Variants in PARD3B observed in about 807,000 individuals in gnomAD.
PARD3B encodes the protein par-3 family cell polarity regulator beta.
In PARD3B, 103 loss-of-function variants were observed where a neutral mutation model predicts 130.2. That is an observed-to-expected ratio of 0.79 (90% confidence interval 0.67 to 0.93). The LOEUF is 0.93. PARD3B is among the 40% of genes least tolerant of loss of function. PARD3B has a pLI of 0.00. For missense variants in PARD3B, 1,609 were observed against 1,499.2 expected (o/e 1.07, Z -1.21); for synonymous variants, 583 against 553.2 (o/e 1.05, Z -0.76).
At chr2:204,789,262 T>A (rs1360952005) in intron 2 of PARD3B, among the ~76,000 whole-genome samples, 1 of 152,102 alleles carries the variant, frequency 6.6e-6, no homozygotes, top group Admixed American at 6.5e-5. Context: ...TGGGGTCTCA[T>A]TTGGTCTCGA....
Position 205,563,160 on chromosome 2 carries a change from A to G in PARD3B, c.3260+9757A>G, listed in dbSNP as rs778784379. On this transcript the variant is annotated intron_variant, in intron 22 of 22. Transcript: ENST00000406610. The surrounding 1 kb of genome is among the most constrained non-coding windows in gnomAD (Gnocchi z 4.2). Reference sequence around the variant, plus strand: ...CACTAGTCTTATTTTCCATTTTTATATACCAAGATCTGCATGCAAATTGTT... The same window carrying G: ...CACTAGTCTTATTTTCCATTTTTATGTACCAAGATCTGCATGCAAATTGTT... Among the ~76,000 whole-genome samples, 1 of 152,214 alleles carries G rather than the reference A, an allele frequency of 6.6e-6. No homozygotes were observed. The highest frequency in any genetic ancestry group is 6.5e-5 in the Admixed American group (1 of 15,282).
At chr2:205,056,464 C>T (rs1699640031) in intron 4 of PARD3B, among the ~76,000 whole-genome samples, 1 of 151,874 alleles carries the variant, frequency 6.6e-6, no homozygotes, top group Non-Finnish European at 1.5e-5. Flanking sequence ...AGCATGAGAG[C>T]CTGTCACCAT....
At position 204,664,645 on chromosome 2, in the gene PARD3B, T is replaced by A. The variant is rs932647313; in HGVS notation, c.121-21536T>A. ...TAAGCACATTTTGGCTCTGGTAAAA[T>A]CTATTCTGAAGAACTTATAGGCAAA... is the stretch of plus-strand genomic sequence containing the variant. On this transcript the variant is annotated intron_variant, in intron 1 of 22. Coordinates refer to ENST00000406610, the MANE Select transcript of PARD3B (RefSeq NM_001302769.2). This position sits in a 1 kb window ranked among gnomAD's most constrained non-coding sequence, Gnocchi z 5.2. 6.6e-6 allele frequency among the ~76,000 whole-genome samples: 1 copy of A among 152,220 alleles called. No homozygotes were observed. Among genetic ancestry groups the A allele is most frequent in the African/African-American group, 2.4e-5 (1 of 41,452 alleles).
At chr2:204,719,530 A>G (rs2038898249) in intron 2 of PARD3B, among the ~76,000 whole-genome samples, 1 of 152,154 alleles carries the variant, frequency 6.6e-6, no homozygotes, top group African/African-American at 2.4e-5. Context: ...AAAAACTTGT[A>G]ATTTTGCTGA....
intron 3 of PARD3B, among the ~76,000 whole-genome samples, chr2:205,022,316 A>G (rs1324421101): frequency 1.3e-5 from 2 of 152,210 alleles, no homozygotes; most frequent in African/African-American, 4.8e-5. Flanking sequence ...TTTGCCGGCC[A>G]ACACTGAATT....
At chr2:205,275,541 A>G (rs970294418) in intron 16 of PARD3B, among the ~76,000 whole-genome samples, 1 of 152,076 alleles carries the variant, frequency 6.6e-6, no homozygotes, top group African/African-American at 2.4e-5. Context: ...AGAGCTGTGG[A>G]TAAAAAGTTC....
chr2:204,717,864 A>T (rs950116424), intron 2 of PARD3B, among the ~76,000 whole-genome samples: 3 of 152,192 alleles, frequency 2.0e-5, no homozygotes, highest in Non-Finnish European at 4.4e-5. Flanking sequence ...GGGAAGGGAT[A>T]GCTTCAGCTC....
At chr2:205,511,805 A>G (rs187605781) in intron 21 of PARD3B, among the ~76,000 whole-genome samples, 2 of 152,322 alleles carry the variant, frequency 1.3e-5, no homozygotes, top group Admixed American at 6.5e-5. Flanking sequence ...AAAACTCCAC[A>G]TAAGCCATGT....
At chr2:204,702,873 G>A (rs1170174553) in intron 2 of PARD3B, among the ~76,000 whole-genome samples, 1 of 152,192 alleles carries the variant, frequency 6.6e-6, no homozygotes, top group Non-Finnish European at 1.5e-5. Flanking sequence ...ACCATGCCTG[G>A]CCAATAGAGT....
intron 15 of PARD3B, among the ~76,000 whole-genome samples, chr2:205,215,003 A>G (rs941475812): frequency 2.0e-5 from 3 of 152,110 alleles, no homozygotes; most frequent in Non-Finnish European, 2.9e-5. Context: ...AAAACTGATG[A>G]TATGCTTCGT....
chr2:205,277,573 T>C (rs372931481), intron 16 of PARD3B, among the ~76,000 whole-genome samples: 12 of 152,096 alleles, frequency 7.9e-5, no homozygotes, highest in African/African-American at 2.9e-4. Flanking sequence ...AAGTGATGTC[T>C]AAAAAATGGC....
At chr2:205,148,169 T>C (rs10209778) in intron 10 of PARD3B, among the ~76,000 whole-genome samples, 46,102 of 151,956 alleles carry the variant, frequency 0.3, 7,702 homozygotes, top group Middle Eastern at 0.5. Context: ...CTATATTGTC[T>C]ATCTATATAG....
chr2:205,390,450 C>G (rs2045817826), intron 18 of PARD3B, among the ~76,000 whole-genome samples: 1 of 152,118 alleles, frequency 6.6e-6, no homozygotes, highest in Non-Finnish European at 1.5e-5. Context: ...AGCTGTGATC[C>G]TACATGGACT....
chr2:205,581,658 C>T (rs892384025), intron 22 of PARD3B, among the ~76,000 whole-genome samples: 1 of 150,992 alleles, frequency 6.6e-6, no homozygotes, highest in Non-Finnish European at 1.5e-5. Flanking sequence ...TGGTGGATAC[C>T]TCAATTACCC....
intron 2 of PARD3B, among the ~76,000 whole-genome samples, chr2:204,688,063 C>T (rs935523891): frequency 2.0e-5 from 3 of 152,096 alleles, no homozygotes; most frequent in Non-Finnish European, 2.9e-5. Context: ...TATGTAATCT[C>T]TGTTTTAATG....
intron 20 of PARD3B, among the ~76,000 whole-genome samples, chr2:205,468,996 T>C (rs1195788385): frequency 1.3e-5 from 2 of 151,652 alleles, no homozygotes; most frequent in African/African-American, 4.8e-5. Flanking sequence ...TGAAGCCCTG[T>C]GTGTTATTCA....
chr2:205,565,565 C>G (rs1164803401), intron 22 of PARD3B, among the ~76,000 whole-genome samples: 1 of 152,112 alleles, frequency 6.6e-6, no homozygotes, highest in Non-Finnish European at 1.5e-5. Context: ...ATAGACAAGT[C>G]ACTTATGTTA....
At chr2:205,466,558 A>G (rs2106242514) in intron 20 of PARD3B, among the ~76,000 whole-genome samples, 1 of 152,316 alleles carries the variant, frequency 6.6e-6, no homozygotes, top group South Asian at 2.1e-4. Context: ...CTGCCAAGAA[A>G]AGTTTTATTA....
intron 1 of PARD3B, among the ~76,000 whole-genome samples, chr2:204,560,152 T>G (rs1352750972): frequency 6.6e-6 from 1 of 152,174 alleles, no homozygotes; most frequent in Non-Finnish European, 1.5e-5. Context: ...TGAGCCTGCA[T>G]GTTGTGCACA....
Sources: gnomAD v4.1 joint callset for allele counts (sites outside exome capture counted in the v4.1 genomes callset) on GRCh38, gnomAD v4.1.1 for gene constraint, Gnocchi (gnomAD v3.1) non-coding constraint, MANE v1.5 for transcripts, NCBI Gene and HGNC (gene_info 2026-07-23, HGNC 2026-07-21) for gene names.